The following RNF130 variants were observed in gnomAD, a reference collection of about 807,000 sequenced individuals.
RNF130 encodes the protein E3 ubiquitin-protein ligase RNF130.
A neutral mutation model predicts 44.6 loss-of-function variants in RNF130; 21 were observed. The ratio of observed to expected loss-of-function variants is 0.47; its 90% CI spans 0.33 to 0.68. The LOEUF (loss-of-function observed/expected upper bound fraction) is 0.68. Ranked by LOEUF, RNF130 falls within the 30% of genes least tolerant of loss-of-function variation. The probability of loss-of-function intolerance (pLI) is 0.02; values close to 1 mark genes in which losing one functional copy is unlikely to be tolerated. For missense variants in RNF130, 479 were observed against 560.6 expected, an observed-to-expected ratio of 0.85 and a Z score of 1.47; for synonymous variants, 214 against 210.4, an observed-to-expected ratio of 1.02 and a Z score of -0.15.
At chr5:179,949,985 C>A (rs888148209) in intron 7 of RNF130, among the ~76,000 whole-genome samples, 1 of 152,184 alleles carries the variant, frequency 6.6e-6, no homozygotes, top group Non-Finnish European at 1.5e-5. Context: ...AACACTGACC[C>A]CATTTGTTTG....
chr5:179,915,846 C>T (rs1761536836), exon 8 of RNF130: 2 of 152,586 alleles, frequency 1.3e-5, no homozygotes, highest in South Asian at 4.1e-4. Flanking sequence ...AATGCCTCTC[C>T]TCCACCTGTG....
At position 180,055,658 on chromosome 5, in the gene RNF130, C is replaced by T. The variant is rs932850846; in HGVS notation, c.248-15011G>A. 9.2e-5 allele frequency among the ~76,000 whole-genome samples: 14 copies of T among 152,124 alleles called. No individual in the cohort carries two copies. The South Asian group carries it at 1.7e-3, about 18-fold the overall frequency. On this transcript the variant is annotated intron_variant, in intron 1 of 8. Coordinates refer to ENST00000521389, the MANE Select transcript of RNF130 (RefSeq NM_018434.6). ...ACTACTCAGTTACAGGATTTACAGACGAAATGATCCACTTTTTACTAAATT... is the reference window on the plus strand; with the variant it reads ...ACTACTCAGTTACAGGATTTACAGATGAAATGATCCACTTTTTACTAAATT...
chr5:179,936,408 T>C (rs1442225093), intron 7 of RNF130, among the ~76,000 whole-genome samples: 3 of 152,204 alleles, frequency 2.0e-5, no homozygotes. Context: ...TTAATTTTTT[T>C]TGTAGAGACG....
chr5:180,019,394 A>AAG (rs1364990955), intron 2 of RNF130, among the ~76,000 whole-genome samples: 2 of 152,004 alleles, frequency 1.3e-5, no homozygotes, highest in African/African-American at 4.8e-5. Context: ...AAAAAAAAAA[A>AAG]AAAAAATCAC....
intron 3 of RNF130, among the ~76,000 whole-genome samples, chr5:180,008,531 T>C (rs545584273): frequency 2.9e-4 from 44 of 152,252 alleles, no homozygotes; most frequent in African/African-American, 1.0e-3. Context: ...AGAACTGAAA[T>C]CATAGAGTAT....
At chr5:180,055,273 A>AC (rs1561709648) in intron 1 of RNF130, among the ~76,000 whole-genome samples, 5 of 17,746 alleles carry the variant, frequency 2.8e-4, no homozygotes, top group African/African-American at 1.0e-3. Context: ...AAAAAAAAAA[A>AC]AAAAAAACAA....
intron 3 of RNF130, among the ~76,000 whole-genome samples, chr5:180,004,743 T>C (rs1763424686): frequency 6.6e-6 from 1 of 152,258 alleles, no homozygotes; most frequent in African/African-American, 2.4e-5. Context: ...GTCACTTTGA[T>C]GAAATTCATC....
intron 5 of RNF130, among the ~76,000 whole-genome samples, chr5:179,976,331 G>A (rs1171151076): frequency 6.6e-6 from 1 of 152,152 alleles, no homozygotes; most frequent in Non-Finnish European, 1.5e-5. Flanking sequence ...GGTTTTGGAG[G>A]CCCGTAGTTT....
At position 180,022,756 on chromosome 5, in the gene RNF130, G is replaced by A. The variant is rs143105393; in HGVS notation, c.443-9445C>T. ...GTTTTAAACAACCCATTTGCAGGTT[G>A]ACTTAAGGAATACTCCTCTTATCTA... On this transcript the variant is annotated intron_variant, in intron 2 of 8. Transcript: ENST00000521389. Among the ~76,000 whole-genome samples the A allele has an allele frequency of 5.3e-5, 8 of 152,294 alleles. No homozygotes were observed. The East Asian group carries it at 1.5e-3, about 29-fold the overall frequency.
At chr5:179,942,211 G>A (rs1761976800) in intron 7 of RNF130, among the ~76,000 whole-genome samples, 1 of 151,918 alleles carries the variant, frequency 6.6e-6, no homozygotes, top group African/African-American at 2.4e-5. Context: ...TGAAGAAGCT[G>A]AAAATTAACC....
At chr5:179,911,678 A>C (rs1274509011) in exon 8 of RNF130, 1 of 152,234 alleles carries the variant, frequency 6.6e-6, no homozygotes, top group Non-Finnish European at 1.5e-5. Flanking sequence ...TTTTTATTGA[A>C]ATGGTTATAT....
intron 8 of RNF130, among the ~76,000 whole-genome samples, chr5:179,961,229 T>C (rs2113698280): frequency 6.6e-6 from 1 of 152,246 alleles, no homozygotes; most frequent in African/African-American, 2.4e-5. Flanking sequence ...CATGCGTGCA[T>C]ACACAACATG....
At chr5:180,039,762 G>A (rs1466576858) in intron 2 of RNF130, among the ~76,000 whole-genome samples, 4 of 152,192 alleles carry the variant, frequency 2.6e-5, no homozygotes, top group African/African-American at 9.6e-5. Flanking sequence ...TTCAACTTAA[G>A]GAGACAGAGT....
intron 2 of RNF130, among the ~76,000 whole-genome samples, chr5:180,036,392 C>G (rs909573875): frequency 6.6e-6 from 1 of 152,184 alleles, no homozygotes; most frequent in Non-Finnish European, 1.5e-5. Context: ...CTTCCACAGA[C>G]AGTGACACTG....
intron 1 of RNF130, among the ~76,000 whole-genome samples, chr5:180,058,070 A>G (rs373236829): frequency 3.5e-4 from 53 of 152,334 alleles, no homozygotes; most frequent in African/African-American, 1.2e-3. Flanking sequence ...GCTGCAGGTA[A>G]AAAGCTGTCC....
At chr5:180,038,673 T>C (rs1764333302) in intron 2 of RNF130, among the ~76,000 whole-genome samples, 1 of 152,182 alleles carries the variant, frequency 6.6e-6, no homozygotes, top group Non-Finnish European at 1.5e-5. Flanking sequence ...GCTGCATTGA[T>C]ACAGGCTTCC....
chr5:179,954,429 T>A (rs962509766), downstream of RNF130, among the ~76,000 whole-genome samples: 2 of 152,194 alleles, frequency 1.3e-5, no homozygotes, highest in African/African-American at 4.8e-5. Flanking sequence ...CTACAACATG[T>A]ATGAACCGTG....
In RNF130 at chr5:179,970,489, G is replaced by T; in HGVS notation, c.866C>A (p.Ser289Tyr). ...ILPCKHVFHKSCVDPWLSEHC... is the reference protein window; with the variant it reads ...ILPCKHVFHKYCVDPWLSEHC... ...TTCACTAAGCCAGGGATCCACGCAGGATTTGTGGAAAACATGCCTATAAAA... is the reference window on the plus strand; with the variant it reads ...TTCACTAAGCCAGGGATCCACGCAGTATTTGTGGAAAACATGCCTATAAAA... The change falls in exon 6 of 9, where the codon TCC becomes TAC. Residue 289 changes from serine to tyrosine, a missense_variant. Physicochemically the swap from Ser to Tyr is moderately radical, Grantham distance 144. This residue lies in a region of RNF130 where 180 missense variants were observed against 275.1 expected (regional missense o/e 0.65). Transcript: ENST00000521389. The T allele has an allele frequency of 1.2e-6, 2 of 1,613,112 alleles. No individual in the cohort carries two copies. Among genetic ancestry groups the T allele is most frequent in the Non-Finnish European group, 8.5e-7 (1 of 1,179,446 alleles).
intron 5 of RNF130, 140 bp from the exon 6 acceptor site, chr5:179,970,646 G>T: frequency 1.6e-6 from 1 of 643,538 alleles, no homozygotes; most frequent in Non-Finnish European, 2.7e-6. Context: ...ACAAATATTG[G>T]GAATTTATTA....
Sources: allele counts gnomAD v4.1 joint callset (sites outside exome capture counted in the v4.1 genomes callset), GRCh38; gene constraint gnomAD v4.1.1; regional missense constraint gnomAD v4.1.1; transcripts MANE v1.5; gene names NCBI Gene and HGNC (gene_info 2026-07-23, HGNC 2026-07-21).